DMD: variants seen among roughly 807,000 people sequenced by gnomAD.
DMD encodes mutant dystrophin.
DMD carries 63 observed loss-of-function variants against 330.1 expected under a neutral mutation model. That is an observed-to-expected ratio of 0.19 (90% CI 0.16 to 0.24). The LOEUF (loss-of-function observed/expected upper bound fraction) is 0.24, where lower values mean the gene tolerates loss of function less well. Ranked by LOEUF, DMD falls within the 10% of genes least tolerant of loss-of-function variation. The pLI, the probability that DMD is intolerant of heterozygous loss-of-function variation, is 1.00. For missense variants in DMD, 3,344 were observed against 2,684.1 expected (o/e 1.25, Z -5.43); for synonymous variants, 1,223 against 959.8 (o/e 1.27, Z -5.07).
chrX:31,913,622 T>C (rs749845398), intron 47 of DMD, among the ~76,000 whole-genome samples: 15 of 111,436 alleles, frequency 1.3e-4, no homozygotes, highest in Non-Finnish European at 2.3e-4. Context: ...TTAGCAGAGA[T>C]AGTGGCCTCT....
chrX:32,218,098 C>A (rs1037307654), intron 43 of DMD, among the ~76,000 whole-genome samples: 2 of 111,198 alleles, frequency 1.8e-5, no homozygotes, highest in Non-Finnish European at 3.8e-5. Flanking sequence ...GAGACTGAGG[C>A]AGAAATAATA....
chrX:32,889,876 C>G (rs185421327), intron 2 of DMD, among the ~76,000 whole-genome samples: 2 of 110,988 alleles, frequency 1.8e-5, no homozygotes, highest in African/African-American at 3.3e-5. Flanking sequence ...TCTCTTCACT[C>G]GGAGGGGCGT....
At chrX:31,669,698 T>C (rs1445672925) in intron 53 of DMD, among the ~76,000 whole-genome samples, 3 of 111,680 alleles carry the variant, frequency 2.7e-5, no homozygotes, top group Non-Finnish European at 3.8e-5. Context: ...TAGTACCACA[T>C]TGACTTAATA....
intron 57 of DMD, among the ~76,000 whole-genome samples, chrX:31,480,785 G>A (rs1424726611): frequency 9.0e-6 from 1 of 111,188 alleles, no homozygotes; most frequent in Non-Finnish European, 1.9e-5. Context: ...CCTGAAACTG[G>A]AAATACAAAG....
At chrX:32,629,552 T>C (rs1269780628) in intron 11 of DMD, among the ~76,000 whole-genome samples, 1 of 111,425 alleles carries the variant, frequency 9.0e-6, no homozygotes, top group East Asian at 2.8e-4. Context: ...ACTTAAACAC[T>C]TCCCATTTTG....
At chrX:31,340,794 T>G (rs1417823077) in intron 61 of DMD, among the ~76,000 whole-genome samples, 1 of 112,284 alleles carries the variant, frequency 8.9e-6, no homozygotes, top group South Asian at 3.7e-4. Context: ...CTTTTGGGTA[T>G]AAGACATAAT....
intron 1 of DMD, among the ~76,000 whole-genome samples, chrX:33,305,010 G>T (rs777213555): frequency 0.013 from 1,468 of 108,886 alleles, 31 homozygotes; most frequent in African/African-American, 0.047. Context: ...TCAGTGTGGC[G>T]ATTCCTCAGG....
intron 12 of DMD, among the ~76,000 whole-genome samples, chrX:32,596,337 G>C (rs808540): frequency 1.9e-5 from 2 of 106,849 alleles, no homozygotes; most frequent in South Asian, 8.3e-4. Flanking sequence ...TAGTTACTGT[G>C]CCTACATATT....
At chrX:32,769,510 C>T (rs774261718) in intron 7 of DMD, among the ~76,000 whole-genome samples, 2 of 112,077 alleles carry the variant, frequency 1.8e-5, no homozygotes, top group South Asian at 7.5e-4. Context: ...TGGACTTATA[C>T]CTGGGCTACA....
intron 51 of DMD, among the ~76,000 whole-genome samples, chrX:31,751,370 G>T (rs1230123811): frequency 9.0e-6 from 1 of 111,306 alleles, no homozygotes; most frequent in Non-Finnish European, 1.9e-5. Flanking sequence ...TTACTTTCCT[G>T]CCTCTGTGAC....
intron 1 of DMD, among the ~76,000 whole-genome samples, chrX:33,256,586 A>T (rs754310005): frequency 4.1e-4 from 45 of 110,191 alleles, no homozygotes; most frequent in Admixed American, 8.8e-4. Flanking sequence ...TAAAATAGAA[A>T]CCTACTTTTC....
intron 7 of DMD, among the ~76,000 whole-genome samples, chrX:32,732,640 G>C (rs1421873715): frequency 1.8e-5 from 2 of 110,994 alleles, no homozygotes; most frequent in Admixed American, 9.6e-5. Flanking sequence ...TTTCAACCCA[G>C]AATTTCACAT....
chrX:33,185,102 G>A (rs958951548), intron 1 of DMD, among the ~76,000 whole-genome samples: 3 of 110,497 alleles, frequency 2.7e-5, no homozygotes, highest in African/African-American at 9.9e-5. Flanking sequence ...TCATGAATGA[G>A]TGCACCATTT....
intron 25 of DMD, among the ~76,000 whole-genome samples, chrX:32,462,530 AAG>A (rs1186909864): frequency 9.2e-6 from 1 of 108,268 alleles, no homozygotes; most frequent in Non-Finnish European, 1.9e-5. Context: ...ATTTAAATAT[AAG>A]AGAGATATCT....
At chrX:31,906,225 T>C (rs1005007099) in intron 47 of DMD, among the ~76,000 whole-genome samples, 2 of 112,054 alleles carry the variant, frequency 1.8e-5, no homozygotes, top group Non-Finnish European at 3.8e-5. Flanking sequence ...TCTGCCATGA[T>C]TGTAAGTTTC....
At chrX:31,305,968 T>C (rs1319617182) in intron 62 of DMD, among the ~76,000 whole-genome samples, 1 of 112,396 alleles carries the variant, frequency 8.9e-6, no homozygotes, top group Non-Finnish European at 1.9e-5. Context: ...ACATATTGTC[T>C]GGCAAAATAT....
rs2094544471 is a variant in DMD at position 33,058,474 on chromosome X, T to A, written c.32-38274A>T. On this transcript the variant is annotated intron_variant, in intron 1 of 78. Coordinates refer to ENST00000357033, the MANE Select transcript of DMD (RefSeq NM_004006.3). ...TAATTTTGATTATTATTATTTTATT[T>A]TTTTTTTTTGTAGAGATGAGGTCAA... 1.0e-4 allele frequency among the ~76,000 whole-genome samples: 3 copies of A among 28,769 alleles called. No homozygotes were observed. In the South Asian group the frequency reaches 4.2e-3, roughly 41 times the overall value. The allele number at this position is 28,769 out of a possible 115,157, so 25.0% of individuals were successfully genotyped here. A position where few individuals can be genotyped will look rare whatever the true frequency, so the allele number is the denominator to read the frequency against.
At chrX:31,894,497 T>C (rs764297285) in intron 47 of DMD, among the ~76,000 whole-genome samples, 3 of 111,926 alleles carry the variant, frequency 2.7e-5, no homozygotes, top group African/African-American at 9.7e-5. Flanking sequence ...ACCACCGCTT[T>C]GAGAAACAAG....
intron 1 of DMD, among the ~76,000 whole-genome samples, chrX:33,299,058 A>C (rs1433510034): frequency 1.8e-5 from 2 of 112,063 alleles, no homozygotes; most frequent in Non-Finnish European, 3.8e-5. Flanking sequence ...AACTTAAATG[A>C]AACTCATCAT....
Sources: gnomAD v4.1 joint callset for allele counts (sites outside exome capture counted in the v4.1 genomes callset) on GRCh38, gnomAD v4.1.1 for gene constraint, MANE v1.5 for transcripts, NCBI Gene and HGNC (gene_info 2026-07-23, HGNC 2026-07-21) for gene names.